Variants in RGL1 observed in about 807,000 individuals in gnomAD.
RGL1 encodes the protein ral guanine nucleotide dissociation stimulator-like 1.
In RGL1, 24 loss-of-function variants were observed where a neutral mutation model predicts 95.2. That is an observed-to-expected ratio of 0.25 (90% CI 0.18 to 0.35). The LOEUF (loss-of-function observed/expected upper bound fraction) is 0.35. Ranked by LOEUF, RGL1 falls within the 10% of genes least tolerant of loss-of-function variation. The pLI is 1.00. For synonymous variants in RGL1, 329 were observed against 344.9 expected (o/e 0.95, Z 0.51); for missense variants, 715 against 936.3 (o/e 0.76, Z 3.08).
chr1:183,724,938 A>T lies in RGL1; in HGVS notation c.-32-17188A>T, dbSNP rs1656223866. Among the ~76,000 whole-genome samples the T allele has an allele frequency of 6.6e-6, 1 of 150,440 alleles. No individual in the cohort carries two copies. The highest frequency in any genetic ancestry group is 1.5e-5 in the Non-Finnish European group (1 of 67,684). On this transcript the variant is annotated intron_variant, in intron 1 of 18. Coordinates refer to the RGL1 transcript ENST00000304685. This position sits in a 1 kb window ranked among gnomAD's most constrained non-coding sequence, Gnocchi z 4.1. The stretch of plus-strand genomic sequence containing the variant: ...TAGTGGCCACAGGGGTGGTTGTGTC[A>T]TCTCTCCCCCAGCTCTAGGCACCAC...
intron 4 of RGL1, among the ~76,000 whole-genome samples, chr1:183,877,003 T>C: frequency 6.6e-6 from 1 of 152,348 alleles, no homozygotes; most frequent in South Asian, 2.1e-4. Context: ...TCATTTGAAA[T>C]CACAACTGAT....
chr1:183,901,255 C>T (rs12756280), intron 11 of RGL1, among the ~76,000 whole-genome samples: 30,679 of 151,460 alleles, frequency 0.2, 3,883 homozygotes, highest in Admixed American at 0.34. Flanking sequence ...GCCGAGATTG[C>T]GCCACTGCAC....
chr1:183,748,394 C>CTTTTTTTTTTTTT lies in RGL1; in HGVS notation c.132+6122_132+6134dup, dbSNP rs56920504. 2.2e-4 allele frequency among the ~76,000 whole-genome samples: 15 copies of CTTTTTTTTTTTTT among 69,680 alleles called. 4 individuals carry two copies. The highest frequency in any genetic ancestry group is 7.3e-4 in the African/African-American group (11 of 15,056). The allele number at this position is 69,680 out of a possible 152,430, so 45.7% of individuals were successfully genotyped here. A position where few individuals can be genotyped will look rare whatever the true frequency, so the allele number is the denominator to read the frequency against. ...TTTGAATTTGTTTGCTTCTCTAGTTCTTTTTTTTTTTTTTTTTTTTTTTTT... is the reference window on the plus strand; with the variant it reads ...TTTGAATTTGTTTGCTTCTCTAGTTCTTTTTTTTTTTTTTTTTTTTTTTTTTTTTTTTTTTTTT... On this transcript the variant is annotated intron_variant, in intron 2 of 18. Transcript: ENST00000304685.
chr1:183,655,096 G>A (rs539507859), intron 1 of RGL1, among the ~76,000 whole-genome samples: 20 of 152,290 alleles, frequency 1.3e-4, no homozygotes, highest in Non-Finnish European at 2.5e-4. Flanking sequence ...TCTTCATTCA[G>A]ATGAGTTATG....
chr1:183,849,786 C>A (rs1039560251), intron 3 of RGL1, among the ~76,000 whole-genome samples: 3 of 152,022 alleles, frequency 2.0e-5, no homozygotes, highest in Non-Finnish European at 4.4e-5. Flanking sequence ...CTGCGCCCAG[C>A]AAATTTGTTT....
At chr1:183,877,918 G>T (rs1044794127) in intron 4 of RGL1, among the ~76,000 whole-genome samples, 1 of 152,172 alleles carries the variant, frequency 6.6e-6, no homozygotes, top group Non-Finnish European at 1.5e-5. Context: ...CTCCATAGAG[G>T]TAAGTGCTGT....
At chr1:183,735,998 C>G (rs570372733) in intron 1 of RGL1, among the ~76,000 whole-genome samples, 5 of 152,134 alleles carry the variant, frequency 3.3e-5, no homozygotes, top group Non-Finnish European at 7.4e-5. Flanking sequence ...ACCACCAAAC[C>G]AGGAGTTAGA....
At chr1:183,661,227 T>C (rs1206760249) in intron 1 of RGL1, among the ~76,000 whole-genome samples, 2 of 151,966 alleles carry the variant, frequency 1.3e-5, no homozygotes, top group African/African-American at 4.8e-5. Flanking sequence ...CTGAAGGAAA[T>C]AGAGACACAA....
intron 1 of RGL1, among the ~76,000 whole-genome samples, chr1:183,719,573 T>C (rs144484949): frequency 2.0e-5 from 3 of 152,108 alleles, no homozygotes; most frequent in Non-Finnish European, 4.4e-5. Context: ...GAAGTAAATA[T>C]TTGCAAAGGG....
intron 2 of RGL1, among the ~76,000 whole-genome samples, chr1:183,779,620 G>C (rs564183628): frequency 2.6e-5 from 4 of 152,076 alleles, no homozygotes; most frequent in East Asian, 1.9e-4. Context: ...GATGACTCTC[G>C]ATGCTAATTC....
chr1:183,858,358 G>T (rs903984560), intron 3 of RGL1, among the ~76,000 whole-genome samples: 1 of 151,964 alleles, frequency 6.6e-6, no homozygotes, highest in Non-Finnish European at 1.5e-5. Flanking sequence ...TAAAATTTAG[G>T]GACTTCCCAG....
At chr1:183,816,733 G>T (rs1662116624) in intron 2 of RGL1, among the ~76,000 whole-genome samples, 1 of 152,070 alleles carries the variant, frequency 6.6e-6, no homozygotes. Flanking sequence ...TAGGCATGTG[G>T]CTCTGTTTAT....
chr1:183,648,474 C>A (rs867277632), intron 1 of RGL1: 1 of 1,614,168 alleles, frequency 6.2e-7, no homozygotes, highest in Non-Finnish European at 8.5e-7. Flanking sequence ...GTCAAGATAA[C>A]CATTCATTTC....
chr1:183,658,329 C>T (rs1165358410), intron 1 of RGL1, among the ~76,000 whole-genome samples: 1 of 152,216 alleles, frequency 6.6e-6, no homozygotes, highest in Non-Finnish European at 1.5e-5. Context: ...ACAGAGGGCA[C>T]CTGGAAAATC....
Position 183,813,424 on chromosome 1 carries a change from A to C in RGL1, c.138+6939A>C, listed in dbSNP as rs146157497. On this transcript the variant is annotated intron_variant, in intron 2 of 17. Coordinates refer to ENST00000360851, the MANE Select transcript of RGL1 (RefSeq NM_001297671.3). ...GTGTCATGTCTAGAGACGAAATCAC[A>C]GTTTAGGCTCACCATGAACAAGGCA... Among the ~76,000 whole-genome samples the C allele has an allele frequency of 4.3e-3, 651 of 152,366 alleles. 5 individuals carry two copies. The highest frequency in any genetic ancestry group is 0.015 in the African/African-American group (629 of 41,588).
At position 183,806,515 on chromosome 1, in the gene RGL1, T is replaced by C. The variant is rs536899788; in HGVS notation, c.138+30T>C. The C allele has an allele frequency of 5.4e-6, 8 of 1,468,678 alleles. No individual in the cohort carries two copies. In the African/African-American group the frequency reaches 6.9e-5, roughly 13 times the overall value. 91.0% of individuals were successfully genotyped at this position (1,468,678 alleles called of 1,614,324 possible). A position where few individuals can be genotyped will look rare whatever the true frequency, so the allele number is the denominator to read the frequency against. ...GTAAAGCTGGCGAGATGGTGAACTT[T>C]GGAATTTCAGTGTCTGTCGTTCTGT... On this transcript the variant is annotated intron_variant, in intron 2 of 17. Transcript: ENST00000360851.
chr1:183,727,745 G>A (rs1656393071), intron 1 of RGL1, among the ~76,000 whole-genome samples: 1 of 152,262 alleles, frequency 6.6e-6, no homozygotes, highest in East Asian at 1.9e-4. Flanking sequence ...ACTAATAAGT[G>A]ATTTTAGTAA....
At chr1:183,862,438 G>A (rs1665568049) in intron 3 of RGL1, among the ~76,000 whole-genome samples, 1 of 152,210 alleles carries the variant, frequency 6.6e-6, no homozygotes, top group Non-Finnish European at 1.5e-5. Flanking sequence ...AGTTCCACAA[G>A]GTTACAGGCT....
chr1:183,751,241 T>C (rs995018967), intron 2 of RGL1, among the ~76,000 whole-genome samples: 5 of 152,204 alleles, frequency 3.3e-5, no homozygotes, highest in Admixed American at 1.3e-4. Context: ...CTGCTGCCTT[T>C]CTTTCAGAGA....
Sources: gnomAD v4.1 joint callset for allele counts (sites outside exome capture counted in the v4.1 genomes callset) on GRCh38, gnomAD v4.1.1 for gene constraint, Gnocchi (gnomAD v3.1) non-coding constraint, MANE v1.5 for transcripts, NCBI Gene and HGNC (gene_info 2026-07-23, HGNC 2026-07-21) for gene names.